The following AFDN variants were observed in gnomAD, a reference collection of about 807,000 sequenced individuals.
The protein encoded by AFDN is afadin.
A neutral mutation model predicts 216.6 loss-of-function variants in AFDN; 68 were observed. The ratio of observed to expected loss-of-function variants is 0.31; its 90% CI spans 0.26 to 0.38. AFDN has a LOEUF of 0.38. AFDN is among the 10% of genes least tolerant of loss of function. AFDN has a pLI of 1.00. For synonymous variants in AFDN, 868 were observed against 853.7 expected (o/e 1.02, Z -0.29); for missense variants, 2,136 against 2,342.0 (o/e 0.91, Z 1.82).
intron 5 of AFDN, 89 bp from the exon 6 acceptor site, chr6:167,880,271 A>G: frequency 3.3e-6 from 4 of 1,210,566 alleles, no homozygotes; most frequent in South Asian, 2.7e-5. Context: ...GAATGCAGGT[A>G]CCTTTTTCTC....
At chr6:167,866,762 A>T (rs1784234636) in intron 2 of AFDN, among the ~76,000 whole-genome samples, 1 of 152,134 alleles carries the variant, frequency 6.6e-6, no homozygotes, top group East Asian at 1.9e-4. Context: ...GACAGAAGAG[A>T]CGCTGTGCAG....
chr6:167,886,204 AAG>A (rs1786787231), intron 6 of AFDN, among the ~76,000 whole-genome samples: 2 of 152,206 alleles, frequency 1.3e-5, no homozygotes, highest in East Asian at 3.9e-4. Context: ...GGGATGGGAG[AAG>A]AGAGATAAGC....
chr6:167,969,581 T>A (rs1797877711), intron 33 of AFDN, among the ~76,000 whole-genome samples: 1 of 152,202 alleles, frequency 6.6e-6, no homozygotes, highest in South Asian at 2.1e-4. Flanking sequence ...AAAGTTAATG[T>A]TGTAGCCAAG....
intron 12 of AFDN, 78 bp from the exon 13 acceptor site, chr6:167,907,093 C>A: frequency 2.9e-6 from 3 of 1,048,446 alleles, no homozygotes; most frequent in South Asian, 1.4e-5. Flanking sequence ...TGTATCAGAT[C>A]TCTGCTTGCA....
chr6:167,890,649 T>G (rs1023329446), intron 7 of AFDN, among the ~76,000 whole-genome samples: 2 of 152,210 alleles, frequency 1.3e-5, no homozygotes, highest in African/African-American at 4.8e-5. Flanking sequence ...CTTTGGAAAT[T>G]GCTTGCTAGA....
chr6:167,900,688 A>T (rs779852737), intron 11 of AFDN, among the ~76,000 whole-genome samples: 1 of 152,146 alleles, frequency 6.6e-6, no homozygotes, highest in African/African-American at 2.4e-5. Context: ...CTTTGATTCT[A>T]CTCACATACT....
At chr6:167,921,634 G>A (rs543774850) in intron 21 of AFDN, among the ~76,000 whole-genome samples, 1 of 152,020 alleles carries the variant, frequency 6.6e-6, no homozygotes, top group Non-Finnish European at 1.5e-5. Flanking sequence ...ACCTCTATTT[G>A]TAATATGGTC....
At chr6:167,947,982 T>C in intron 28 of AFDN, 38 bp downstream of exon 28, 1 of 1,475,942 alleles carries the variant, frequency 6.8e-7, no homozygotes, top group Non-Finnish European at 9.5e-7. Context: ...TCTACTGCAT[T>C]TCCATCCTTA....
At chr6:167,846,788 A>G (rs997309592) in intron 1 of AFDN, among the ~76,000 whole-genome samples, 3 of 151,096 alleles carry the variant, frequency 2.0e-5, no homozygotes, top group African/African-American at 7.3e-5. Context: ...ATGTCTAGGA[A>G]ATGGCATTTT....
rs747130871 is a variant in AFDN at position 167,902,406 on chromosome 6, C to G, written c.1650+20C>G. On this transcript the variant is annotated intron_variant, in intron 12 of 33. Transcript: ENST00000683244. The stretch of plus-strand genomic sequence containing the variant: ...AGCAAGGTAGGTAATTATGGATTAC[C>G]TGATAGAAGTGTGCTTGCTATAGGA... The G allele has an allele frequency of 1.1e-5, 18 of 1,575,234 alleles. No homozygotes were observed. In the South Asian group the frequency reaches 2.0e-4, roughly 17 times the overall value.
At chr6:167,832,048 CTGT>C (rs1779885144) in intron 1 of AFDN, among the ~76,000 whole-genome samples, 2 of 152,138 alleles carry the variant, frequency 1.3e-5, no homozygotes, top group Non-Finnish European at 2.9e-5. Flanking sequence ...TTGATTTCTG[CTGT>C]TGTTCAAATG....
chr6:167,875,737 A>G (rs937885727), intron 5 of AFDN, among the ~76,000 whole-genome samples: 2 of 152,076 alleles, frequency 1.3e-5, no homozygotes, highest in African/African-American at 4.8e-5. Flanking sequence ...AAAAACTAGA[A>G]AATTTCAAGT....
At chr6:167,964,345 A>G (rs1435103124) in intron 31 of AFDN, 5 of 1,064,296 alleles carry the variant, frequency 4.7e-6, no homozygotes, top group African/African-American at 3.3e-5. Flanking sequence ...TCTTCCTAAA[A>G]TGTTACCAAG....
chr6:167,826,655 C>G (rs1274459010), upstream of AFDN: 1 of 481,540 alleles, frequency 2.1e-6, no homozygotes. Flanking sequence ...CGAACCGAAC[C>G]TAGCACCGCT....
chr6:167,875,289 A>T (rs373761806), intron 4 of AFDN, 46 bp from the exon 5 acceptor site: 1 of 1,571,096 alleles, frequency 6.4e-7, no homozygotes, highest in South Asian at 1.2e-5. Context: ...TATTTCTAAT[A>T]AGAAAACAGT....
intron 1 of AFDN, among the ~76,000 whole-genome samples, chr6:167,835,386 G>A (rs184152897): frequency 6.6e-6 from 1 of 152,304 alleles, no homozygotes; most frequent in Admixed American, 6.5e-5. Flanking sequence ...TAAAAAAATG[G>A]TGTTCCATGA....
rs1483790053 is a variant in AFDN at position 167,951,925 on chromosome 6, A to T, written c.4571A>T (p.Lys1524Met). The T allele has an allele frequency of 6.2e-7, 1 of 1,614,124 alleles. No homozygotes were observed. Among genetic ancestry groups the T allele is most frequent in the East Asian group, 2.2e-5 (1 of 44,850 alleles). Reference sequence around the variant, plus strand: ...GACAGTCTGTCCCCCGACCCGTGGAAGCGGGACGCCAAGGAGAAGCTGGAG... The same window carrying T: ...GACAGTCTGTCCCCCGACCCGTGGATGCGGGACGCCAAGGAGAAGCTGGAG... ...SGDSLSPDPW[K>M]RDAKEKLEKQ... The change falls in exon 30 of 34, where the codon AAG becomes ATG. Residue 1524 changes from lysine (K) to methionine (M), a missense_variant. By Grantham distance (95) the Lys-to-Met change is moderately conservative (BLOSUM62 -1). Around this residue, in one of 8 missense-constraint regions of AFDN, gnomAD observed 981 missense variants for 966.0 expected, o/e 1.02. Transcript: ENST00000683244. The surrounding 1 kb of genome is among the most constrained non-coding windows in gnomAD (Gnocchi z 7.1).
At chr6:167,862,115 T>C (rs1783643883) in intron 1 of AFDN, among the ~76,000 whole-genome samples, 1 of 152,194 alleles carries the variant, frequency 6.6e-6, no homozygotes, top group South Asian at 2.1e-4. Context: ...GCTAAATTTG[T>C]ATAGAAATTT....
chr6:167,880,295 TG>T (rs1167044483), intron 5 of AFDN, 64 bp from the exon 6 acceptor site: 3 of 1,473,378 alleles, frequency 2.0e-6, no homozygotes, highest in Admixed American at 3.6e-5. Flanking sequence ...TGACTGTAAA[TG>T]TTAGCTATCT....
Sources: allele counts gnomAD v4.1 joint callset (sites outside exome capture counted in the v4.1 genomes callset), GRCh38; gene constraint gnomAD v4.1.1; regional missense constraint gnomAD v4.1.1; non-coding constraint Gnocchi (gnomAD v3.1); transcripts MANE v1.5; gene names NCBI Gene and HGNC (gene_info 2026-07-23, HGNC 2026-07-21).